Variants in GPR137B observed in about 807,000 individuals in gnomAD.
The protein encoded by GPR137B is G protein-coupled receptor 137B, also known as integral membrane protein GPR137B.
In GPR137B, 42 loss-of-function variants were observed where a neutral mutation model predicts 42.5. The ratio of observed to expected loss-of-function variants is 0.99; its 90% confidence interval spans 0.77 to 1.28. GPR137B has a LOEUF of 1.28. GPR137B is among the 50% of genes most tolerant of loss of function. The pLI, the probability that GPR137B is intolerant of heterozygous loss-of-function variation, is 0.00. For synonymous variants in GPR137B, 218 were observed against 209.7 expected (o/e 1.04, Z -0.34); for missense variants, 487 against 493.9 (o/e 0.99, Z 0.13).
chr1:236,203,072 TTTTC>T (rs776915388), intron 5 of GPR137B, among the ~76,000 whole-genome samples: 180 of 152,184 alleles, frequency 1.2e-3, no homozygotes, highest in Non-Finnish European at 1.7e-3. Flanking sequence ...TGTCTGTTTC[TTTTC>T]TTTCTTTCTT....
intron 2 of GPR137B, among the ~76,000 whole-genome samples, chr1:236,170,854 TA>T (rs1477259518): frequency 1.3e-5 from 2 of 151,578 alleles, no homozygotes; most frequent in Non-Finnish European, 2.9e-5. Flanking sequence ...CAGGTGCCTG[TA>T]ATCCCAGCTA....
In GPR137B at chr1:236,156,568, C is replaced by T. The variant is rs1441845920; in HGVS notation, c.415-12138C>T. Among the ~76,000 whole-genome samples the T allele has an allele frequency of 1.3e-5, 2 of 152,246 alleles. No homozygotes were observed. Among genetic ancestry groups the T allele is most frequent in the Non-Finnish European group, 2.9e-5 (2 of 68,040 alleles). On this transcript the variant is annotated intron_variant, in intron 1 of 6. Transcript: ENST00000366592. This position sits in a 1 kb window ranked among gnomAD's most constrained non-coding sequence, Gnocchi z 4.8. Reference sequence around the variant, plus strand: ...CATAGAGGCCCCGCCCTTGCTCGCACTGTCTTGGAGACTGAGCCTCAAATG... The same window carrying T: ...CATAGAGGCCCCGCCCTTGCTCGCATTGTCTTGGAGACTGAGCCTCAAATG...
intron 1 of GPR137B, among the ~76,000 whole-genome samples, chr1:236,162,764 G>T (rs916784503): frequency 6.6e-6 from 1 of 152,226 alleles, no homozygotes; most frequent in Non-Finnish European, 1.5e-5. Context: ...GGGAACCTCC[G>T]CCTAGATTCC....
Position 236,186,261 on chromosome 1 carries a change from AT to A in GPR137B, c.966+2357del, listed in dbSNP as rs1288655918. 6.3e-3 allele frequency among the ~76,000 whole-genome samples: 125 copies of A among 19,832 alleles called. 31 individuals are homozygous for A. The highest frequency in any genetic ancestry group is 0.017 in the African/African-American group (123 of 7,212). 13.0% of individuals were successfully genotyped at this position (19,832 alleles called of 152,430 possible). A position where few individuals can be genotyped will look rare whatever the true frequency, so the allele number is the denominator to read the frequency against. On this transcript the variant is annotated intron_variant, in intron 5 of 6. Transcript: ENST00000366592. ...ATAATATAAATAATATATAATATATATTATATATTATATATAATAATATAAA... is the reference window on the plus strand; with the variant it reads ...ATAATATAAATAATATATAATATATATATATATTATATATAATAATATAAA...
intron 5 of GPR137B, among the ~76,000 whole-genome samples, chr1:236,196,270 G>T (rs1169649175): frequency 6.6e-6 from 1 of 152,016 alleles, no homozygotes; most frequent in Non-Finnish European, 1.5e-5. Flanking sequence ...CTCCTGAGTA[G>T]CTGGGACTAC....
chr1:236,190,308 A>AT (rs1663158983), intron 5 of GPR137B, among the ~76,000 whole-genome samples: 1 of 152,072 alleles, frequency 6.6e-6, no homozygotes, highest in Non-Finnish European at 1.5e-5. Context: ...GTGTCTTTTA[A>AT]TGGGGGCATT....
In GPR137B at chr1:236,158,459, G is replaced by A. The variant is rs149560283; in HGVS notation, c.415-10247G>A. ...CAAACAAAACATAGCTGGAGCAAAC[G>A]TGGCAAAGTATTAAGGATGGAGTGC... On this transcript the variant is annotated intron_variant, in intron 1 of 6. Coordinates refer to ENST00000366592, the MANE Select transcript of GPR137B (RefSeq NM_003272.4). Among the ~76,000 whole-genome samples the A allele has an allele frequency of 3.2e-3, 492 of 152,298 alleles. 3 individuals carry two copies. The highest frequency in any genetic ancestry group is 5.4e-3 in the Non-Finnish European group (368 of 68,024).
At chr1:236,177,518 G>A (rs1662721728) in intron 2 of GPR137B, among the ~76,000 whole-genome samples, 1 of 151,850 alleles carries the variant, frequency 6.6e-6, no homozygotes, top group Non-Finnish European at 1.5e-5. Context: ...TTTTGCATCT[G>A]TTGATCCTTG....
intron 1 of GPR137B, among the ~76,000 whole-genome samples, chr1:236,152,791 A>T (rs958686224): frequency 9.9e-5 from 15 of 151,090 alleles, no homozygotes; most frequent in African/African-American, 3.4e-4. Context: ...GGTGCAGTGG[A>T]TCACGTCTAT....
At chr1:236,187,698 T>G (rs1300717679) in intron 5 of GPR137B, among the ~76,000 whole-genome samples, 4 of 150,628 alleles carry the variant, frequency 2.7e-5, no homozygotes, top group Admixed American at 6.7e-5. Context: ...TATATCTGTT[T>G]TGGTACCAGT....
rs1001404384 is a variant in GPR137B, at chr1:236,150,023, G to A, written c.414+6987G>A. 1.7e-4 allele frequency among the ~76,000 whole-genome samples: 25 copies of A among 147,772 alleles called. No individual in the cohort carries two copies. The highest frequency in any genetic ancestry group is 4.6e-4 in the African/African-American group (18 of 39,328). On this transcript the variant is annotated intron_variant, in intron 1 of 6. Coordinates refer to ENST00000366592, the MANE Select transcript of GPR137B (RefSeq NM_003272.4). This position sits in a 1 kb window ranked among gnomAD's most constrained non-coding sequence, Gnocchi z 6.2. ...TGTGCCTGTGTGTGTGCCTGTGTGT[G>A]TACCTGTGTGTGTGTGTGCCTGCCT...
chr1:236,160,733 C>T (rs905032773), intron 1 of GPR137B, among the ~76,000 whole-genome samples: 4 of 152,252 alleles, frequency 2.6e-5, no homozygotes, highest in South Asian at 2.1e-4. Flanking sequence ...CCCCGTCAGT[C>T]GAGCCTGCCC....
rs988120098 is a variant in GPR137B, at chr1:236,207,993, T to C, written c.1092-57T>C. The C allele has an allele frequency of 3.0e-5, 38 of 1,258,478 alleles. No individual in the cohort carries two copies. The South Asian group carries it at 4.4e-4, about 14-fold the overall frequency. 78.0% of individuals were successfully genotyped at this position (1,258,478 alleles called of 1,614,324 possible). A position where few individuals can be genotyped will look rare whatever the true frequency, so the allele number is the denominator to read the frequency against. On this transcript the variant is annotated intron_variant, in intron 6 of 6. Transcript: ENST00000366592. ...TCAGCTCTGTCTACCTAAACTAGAC[T>C]ATGTCATACATACTATATAATGTTT...
intron 1 of GPR137B, among the ~76,000 whole-genome samples, chr1:236,144,042 G>A (rs1289351447): frequency 6.6e-6 from 1 of 151,866 alleles, no homozygotes; most frequent in African/African-American, 2.4e-5. Context: ...CTGTCGGATG[G>A]GCAGAAACCC....
rs1406574036 is a variant in GPR137B at position 236,205,213 on chromosome 1, C to G, written c.1054C>G (p.Leu352Val). Residue 352 changes from leucine (L) to valine (V), a missense_variant, in exon 6 of 7, where the codon CTT (leucine) becomes GTT (valine). Physicochemically the swap from Leu to Val is conservative, Grantham distance 32. Coordinates refer to ENST00000366592, the MANE Select transcript of GPR137B (RefSeq NM_003272.4). ...NPRRYDSDDD[L>V]AWNIAPQGLQ... is the part of the protein sequence containing the mutation. ...TCGAAGATATGACAGTGATGATGAC[C>G]TTGCCTGGAACATTGCCCCTCAGGG... 1 of 1,613,344 alleles carries G rather than the reference C, an allele frequency of 6.2e-7. No individual in the cohort carries two copies. Among genetic ancestry groups the G allele is most frequent in the Non-Finnish European group, 8.5e-7 (1 of 1,179,296 alleles).
intron 1 of GPR137B, among the ~76,000 whole-genome samples, chr1:236,162,895 G>C (rs1020086538): frequency 6.6e-6 from 1 of 152,234 alleles, no homozygotes; most frequent in Non-Finnish European, 1.5e-5. Flanking sequence ...CCCCCACACA[G>C]AGTCCCTACT....
At chr1:236,196,052 C>G (rs934150196) in intron 5 of GPR137B, among the ~76,000 whole-genome samples, 1 of 151,500 alleles carries the variant, frequency 6.6e-6, no homozygotes, top group South Asian at 2.1e-4. Flanking sequence ...GTTTCTTTTA[C>G]TGTGCAAAAG....
At chr1:236,152,920 G>C (rs1171378694) in intron 1 of GPR137B, among the ~76,000 whole-genome samples, 2 of 152,080 alleles carry the variant, frequency 1.3e-5, no homozygotes, top group East Asian at 3.9e-4. Flanking sequence ...GCTGGGTGCA[G>C]TGGCGGGCGC....
At chr1:236,195,722 A>G (rs1343246248) in intron 5 of GPR137B, among the ~76,000 whole-genome samples, 2 of 152,176 alleles carry the variant, frequency 1.3e-5, no homozygotes, top group East Asian at 1.9e-4. Context: ...ATTCTCACCA[A>G]CAGTGTTCAA....
Sources: gnomAD v4.1 joint callset for allele counts (sites outside exome capture counted in the v4.1 genomes callset) on GRCh38, gnomAD v4.1.1 for gene constraint, Gnocchi (gnomAD v3.1) non-coding constraint, MANE v1.5 for transcripts, NCBI Gene and HGNC (gene_info 2026-07-23, HGNC 2026-07-21) for gene names.